Variants in DLG2 observed in about 807,000 individuals in gnomAD.
The protein encoded by DLG2 is disks large homolog 2.
Under a neutral mutation model 132.5 loss-of-function variants are expected in DLG2, and 45 were observed. That is an observed-to-expected ratio of 0.34 (90% confidence interval 0.27 to 0.44). The LOEUF is 0.44. DLG2 is among the 20% of genes least tolerant of loss of function. The pLI is 1.00. For missense variants in DLG2, 1,045 were observed against 1,196.9 expected, an observed-to-expected ratio of 0.87 and a Z score of 1.87; for synonymous variants, 424 against 419.6, an observed-to-expected ratio of 1.01 and a Z score of -0.13.
chr11:84,594,704 T>G (rs771200928), intron 6 of DLG2, among the ~76,000 whole-genome samples: 14 of 152,154 alleles, frequency 9.2e-5, no homozygotes, highest in Non-Finnish European at 1.9e-4. Context: ...GGAAAAGACA[T>G]GCTATATTTG....
intron 12 of DLG2, among the ~76,000 whole-genome samples, chr11:83,978,452 C>T (rs2092476001): frequency 6.6e-6 from 1 of 152,030 alleles, no homozygotes; most frequent in African/African-American, 2.4e-5. Context: ...ACATTTCAAG[C>T]AATAAAGTTT....
intron 6 of DLG2, among the ~76,000 whole-genome samples, chr11:84,708,610 T>C (rs1395246123): frequency 6.6e-6 from 1 of 151,806 alleles, no homozygotes; most frequent in African/African-American, 2.4e-5. Context: ...TTGCTCTCCC[T>C]TCAGCCAAAA....
In DLG2 at chr11:85,337,081, G is replaced by A. The variant is rs986987577; in HGVS notation, c.41-51716C>T. ...TTGAATCAACTGAACCAAAATTTGCGTAGTTCAATAAAGTTTAAATCATTC... is the reference window on the plus strand; with the variant it reads ...TTGAATCAACTGAACCAAAATTTGCATAGTTCAATAAAGTTTAAATCATTC... On this transcript the variant is annotated intron_variant, in intron 3 of 27. Transcript: ENST00000376104. Among the ~76,000 whole-genome samples the A allele has an allele frequency of 1.2e-4, 18 of 152,216 alleles. No individual in the cohort carries two copies. The South Asian group carries it at 1.5e-3, about 12-fold the overall frequency.
intron 3 of DLG2, among the ~76,000 whole-genome samples, chr11:85,394,925 G>C (rs140963048): frequency 1.5e-4 from 23 of 152,210 alleles, no homozygotes; most frequent in African/African-American, 4.8e-4. Context: ...GTTCTGCAGG[G>C]CTCCAATTAA....
intron 16 of DLG2, among the ~76,000 whole-genome samples, chr11:83,849,764 T>TAA (rs201056637): frequency 4.9e-5 from 1 of 20,408 alleles, no homozygotes. Flanking sequence ...TTTTTTTTTT[T>TAA]TAAAAAAAAA....
intron 6 of DLG2, among the ~76,000 whole-genome samples, chr11:85,062,171 A>C (rs185680357): frequency 3.9e-5 from 6 of 151,970 alleles, no homozygotes; most frequent in Non-Finnish European, 8.8e-5. Flanking sequence ...CTATATACTT[A>C]TAATGCTCTC....
intron 8 of DLG2, among the ~76,000 whole-genome samples, chr11:84,193,724 A>C (rs1227072597): frequency 6.6e-6 from 1 of 152,172 alleles, no homozygotes; most frequent in Non-Finnish European, 1.5e-5. Flanking sequence ...AACTATCCTA[A>C]CCAGTTCAGC....
intron 12 of DLG2, among the ~76,000 whole-genome samples, chr11:83,978,448 C>A (rs1159246660): frequency 6.6e-6 from 1 of 152,060 alleles, no homozygotes; most frequent in African/African-American, 2.4e-5. Context: ...GACAACATTT[C>A]AAGCAATAAA....
At chr11:85,078,366 A>C (rs2066819956) in intron 6 of DLG2, among the ~76,000 whole-genome samples, 1 of 151,648 alleles carries the variant, frequency 6.6e-6, no homozygotes, top group Non-Finnish European at 1.5e-5. Flanking sequence ...TTATGTGAAA[A>C]TCTGAAAGAA....
chr11:84,944,170 A>G (rs945017079), intron 6 of DLG2, among the ~76,000 whole-genome samples: 6 of 151,746 alleles, frequency 4.0e-5, no homozygotes, highest in African/African-American at 1.5e-4. Flanking sequence ...TTTATCCTTG[A>G]CCTTTGGGAG....
intron 4 of DLG2, among the ~76,000 whole-genome samples, chr11:85,157,932 G>A (rs115026467): frequency 7.2e-5 from 11 of 151,964 alleles, no homozygotes; most frequent in South Asian, 2.1e-4. Flanking sequence ...CCTTTCCACC[G>A]TTGTCTGAGG....
intron 6 of DLG2, among the ~76,000 whole-genome samples, chr11:84,590,021 A>C (rs933605657): frequency 1.3e-5 from 2 of 152,220 alleles, no homozygotes; most frequent in Admixed American, 6.5e-5. Flanking sequence ...ATGGATATGC[A>C]CTTTGGAAAT....
chr11:85,287,035 A>G (rs2078601470), intron 3 of DLG2, among the ~76,000 whole-genome samples: 1 of 152,128 alleles, frequency 6.6e-6, no homozygotes, highest in South Asian at 2.1e-4. Flanking sequence ...AACACAAAAT[A>G]TAAAATAAAG....
intron 6 of DLG2, among the ~76,000 whole-genome samples, chr11:84,612,801 G>C (rs1160352136): frequency 6.6e-6 from 1 of 151,730 alleles, no homozygotes; most frequent in Admixed American, 6.6e-5. Context: ...ATTTTTATTG[G>C]TTCAATTTTC....
intron 7 of DLG2, among the ~76,000 whole-genome samples, chr11:84,271,011 A>G (rs2154363935): frequency 6.6e-6 from 1 of 152,348 alleles, no homozygotes; most frequent in Non-Finnish European, 1.5e-5. Context: ...ACATGTGTGT[A>G]CATGAAATAC....
intron 6 of DLG2, among the ~76,000 whole-genome samples, chr11:84,807,424 C>A (rs966097389): frequency 4.0e-5 from 6 of 151,566 alleles, no homozygotes; most frequent in Admixed American, 4.0e-4. Flanking sequence ...CCAGCCTGGG[C>A]GACAAGAGTG....
intron 7 of DLG2, among the ~76,000 whole-genome samples, chr11:84,274,685 A>G (rs1476900431): frequency 2.0e-5 from 3 of 152,230 alleles, no homozygotes; most frequent in African/African-American, 7.2e-5. Context: ...GAAGGAATGA[A>G]AAGTAGAACT....
At chr11:83,897,961 T>C (rs1261488455) in intron 15 of DLG2, among the ~76,000 whole-genome samples, 4 of 152,122 alleles carry the variant, frequency 2.6e-5, no homozygotes, top group Admixed American at 6.6e-5. Flanking sequence ...GTAAAATACT[T>C]TGTCTCCTCT....
At chr11:85,005,805 C>T (rs753672434) in intron 6 of DLG2, among the ~76,000 whole-genome samples, 5 of 151,984 alleles carry the variant, frequency 3.3e-5, no homozygotes, top group Non-Finnish European at 5.9e-5. Context: ...TGTCTTGTGC[C>T]GGATTTCAAA....
Sources: gnomAD v4.1 joint callset for allele counts (sites outside exome capture counted in the v4.1 genomes callset) on GRCh38, gnomAD v4.1.1 for gene constraint, MANE v1.5 for transcripts, NCBI Gene and HGNC (gene_info 2026-07-23, HGNC 2026-07-21) for gene names.